Variants in VPS13D observed in about 807,000 individuals in gnomAD.
VPS13D encodes the protein intermembrane lipid transfer protein VPS13D.
A neutral mutation model predicts 461.9 loss-of-function variants in VPS13D; 187 were observed. The ratio of observed to expected loss-of-function variants is 0.40; its 90% CI spans 0.36 to 0.46. The LOEUF (loss-of-function observed/expected upper bound fraction) is 0.46. Among genes scored for constraint, VPS13D ranks in the 20% least tolerant of loss-of-function variants. VPS13D has a pLI of 0.60. For missense variants in VPS13D, 4,711 were observed against 5,364.9 expected, an observed-to-expected ratio of 0.88 and a Z score of 3.81; for synonymous variants, 1,951 against 1,986.3, an observed-to-expected ratio of 0.98 and a Z score of 0.47.
At chr1:12,487,510 C>G (rs1469478225) in intron 67 of VPS13D, among the ~76,000 whole-genome samples, 2 of 151,784 alleles carry the variant, frequency 1.3e-5, no homozygotes, top group African/African-American at 4.8e-5. Flanking sequence ...ACTTGGGAGG[C>G]TGAGGCAGGA....
At chr1:12,351,718 A>T (rs918962259) in intron 46 of VPS13D, among the ~76,000 whole-genome samples, 7 of 151,462 alleles carry the variant, frequency 4.6e-5, no homozygotes, top group African/African-American at 7.3e-5. Context: ...CAGCCTCCCG[A>T]GTAGCTGGGA....
chr1:12,369,172 G>A (rs567532144), intron 53 of VPS13D, among the ~76,000 whole-genome samples: 1 of 152,136 alleles, frequency 6.6e-6, no homozygotes, highest in African/African-American at 2.4e-5. Context: ...ATTTGACTTG[G>A]CAAAGCGTTT....
chr1:12,509,040 A>G lies in VPS13D; in HGVS notation c.*16A>G. 1.2e-6 allele frequency: 2 copies of G among 1,613,208 alleles called. No homozygotes were observed. Among genetic ancestry groups the G allele is most frequent in the Non-Finnish European group, 8.5e-7 (1 of 1,179,606 alleles). ...GGACTCCTGAAGCCCCGCTGCTGAG[A>G]TGGGCGCTCCCGACACAGCGCAGAC... is the stretch of plus-strand genomic sequence containing the variant. On this transcript the variant is annotated 3_prime_UTR_variant, in exon 70 of 70. Transcript: ENST00000620676.
At chr1:12,235,442 G>A (rs1640116858) in intron 2 of VPS13D, among the ~76,000 whole-genome samples, 2 of 152,148 alleles carry the variant, frequency 1.3e-5, no homozygotes, top group Non-Finnish European at 2.9e-5. Context: ...TGGGTGTGGT[G>A]GCGGGTGCCT....
intron 1 of VPS13D, among the ~76,000 whole-genome samples, chr1:12,231,811 A>C (rs1339449814): frequency 6.6e-6 from 1 of 152,182 alleles, no homozygotes; most frequent in Non-Finnish European, 1.5e-5. Flanking sequence ...AACATGATGA[A>C]ACCCTGTCTC....
intron 52 of VPS13D, among the ~76,000 whole-genome samples, chr1:12,364,110 A>G (rs956859439): frequency 1.3e-5 from 2 of 152,168 alleles, no homozygotes; most frequent in African/African-American, 2.4e-5. Context: ...ACCATTTTTA[A>G]GTATACAGTT....
At chr1:12,236,160 C>T (rs1384377430) in intron 2 of VPS13D, among the ~76,000 whole-genome samples, 1 of 152,144 alleles carries the variant, frequency 6.6e-6, no homozygotes, top group Non-Finnish European at 1.5e-5. Flanking sequence ...AAGAATGCTT[C>T]TCCGCAGGGT....
rs1229967173 is a variant in VPS13D at position 12,234,061 on chromosome 1, AACAC to A, written c.-76-128_-76-125del. 11 of 442,724 alleles carry A rather than the reference AACAC, an allele frequency of 2.5e-5. No homozygotes were observed. The Admixed American group carries it at 3.9e-4, about 16-fold the overall frequency. 27.4% of individuals were successfully genotyped at this position (442,724 alleles called of 1,614,324 possible). On this transcript the variant is annotated intron_variant, in intron 1 of 69. Transcript: ENST00000620676. ...GAAACTGTCTCAAAACAAAAACAAA[AACAC>A]AAACAAACAAAACCCAACAAAACAT... is the stretch of plus-strand genomic sequence containing the variant.
At chr1:12,333,158 C>G in intron 37 of VPS13D, 68 bp from the exon 38 acceptor site, 1 of 1,526,564 alleles carries the variant, frequency 6.6e-7, no homozygotes, top group South Asian at 1.2e-5. Context: ...TGAACATTTG[C>G]GAGCAGTGTT....
intron 67 of VPS13D, among the ~76,000 whole-genome samples, chr1:12,463,074 A>T (rs1006250319): frequency 1.3e-5 from 2 of 152,174 alleles, no homozygotes; most frequent in Non-Finnish European, 2.9e-5. Flanking sequence ...AGGAAAAAAA[A>T]AAACAACAAC....
At chr1:12,441,470 A>G (rs752220633) in intron 65 of VPS13D, among the ~76,000 whole-genome samples, 7 of 152,156 alleles carry the variant, frequency 4.6e-5, no homozygotes, top group South Asian at 2.1e-4. Flanking sequence ...ATATGAACAA[A>G]TGGTCACACA....
intron 36 of VPS13D, among the ~76,000 whole-genome samples, chr1:12,329,171 C>A (rs1643267020): frequency 6.6e-6 from 1 of 152,090 alleles, no homozygotes; most frequent in South Asian, 2.1e-4. Flanking sequence ...TCTAATCAGT[C>A]TGCCCTCTTA....
intron 63 of VPS13D, among the ~76,000 whole-genome samples, chr1:12,414,152 T>A (rs1009121466): frequency 6.6e-6 from 1 of 151,944 alleles, no homozygotes; most frequent in Non-Finnish European, 1.5e-5. Flanking sequence ...GGCATGGTAG[T>A]TTGCACATGT....
At chr1:12,466,839 G>A (rs575581423) in intron 67 of VPS13D, among the ~76,000 whole-genome samples, 23 of 152,344 alleles carry the variant, frequency 1.5e-4, no homozygotes, top group African/African-American at 5.3e-4. Context: ...TTACATTTCA[G>A]TGAAACTGAA....
chr1:12,288,324 G>C lies in VPS13D; in HGVS notation c.5725+11G>C. The C allele has an allele frequency of 1.9e-6, 3 of 1,613,220 alleles. No homozygotes were observed. Among genetic ancestry groups the C allele is most frequent in the Non-Finnish European group, 2.5e-6 (3 of 1,179,194 alleles). ...ACCTGGAAATGATTGGTAAGTGGTG[G>C]GGGGTGGAGGGAAGCAAACTTGCAA... is the stretch of plus-strand genomic sequence containing the variant. On this transcript the variant is annotated intron_variant, in intron 22 of 69. Transcript: ENST00000620676.
intron 1 of VPS13D, among the ~76,000 whole-genome samples, chr1:12,233,763 T>C (rs576782573): frequency 1.3e-5 from 2 of 152,164 alleles, no homozygotes; most frequent in South Asian, 4.2e-4. Context: ...TTAAAACATC[T>C]GCAGCCGGGC....
In VPS13D at chr1:12,368,554, A is replaced by C; in HGVS notation, c.10535A>C (p.Gln3512Pro). The change falls in exon 53 of 70, where the codon CAG (glutamine) becomes CCG (proline). Residue 3512 changes from glutamine (Q) to proline (P), a missense_variant. Coordinates refer to ENST00000620676, the MANE Select transcript of VPS13D (RefSeq NM_015378.4). ...AGGATCTCATTTAGTGACACAGATC[A>C]GTTACCTCCTCCTTTCCGAATTGAC... Reference protein sequence around the residue: ...TYRISFSDTDQLPPPFRIDNF... With the variant: ...TYRISFSDTDPLPPPFRIDNF... 1.2e-6 allele frequency: 2 copies of C among 1,613,736 alleles called. No homozygotes were observed. The highest frequency in any genetic ancestry group is 1.7e-6 in the Non-Finnish European group (2 of 1,179,800).
intron 67 of VPS13D, among the ~76,000 whole-genome samples, chr1:12,475,472 C>A (rs1448757490): frequency 6.6e-6 from 1 of 152,174 alleles, no homozygotes; most frequent in Non-Finnish European, 1.5e-5. Flanking sequence ...AAAGCCCATG[C>A]AGAATATATG....
chr1:12,363,951 CAAAAAAAAAAAAAAAA>C lies in VPS13D; in HGVS notation c.10448+718_10448+733del, dbSNP rs70987247. On this transcript the variant is annotated intron_variant, in intron 52 of 69. Transcript: ENST00000620676. ...CAGGCGACAGAGTAAGACTCTATCT[CAAAAAAAAAAAAAAAA>C]AAAAAAAAAAAAATCAGCCTTAATT... Among the ~76,000 whole-genome samples the C allele has an allele frequency of 2.9e-3, 130 of 44,632 alleles. 1 individual carries two copies. The highest frequency in any genetic ancestry group is 0.012 in the African/African-American group (115 of 9,900). 29.3% of individuals were successfully genotyped at this position (44,632 alleles called of 152,430 possible).
Sources: allele counts gnomAD v4.1 joint callset (sites outside exome capture counted in the v4.1 genomes callset), GRCh38; gene constraint gnomAD v4.1.1; transcripts MANE v1.5; gene names NCBI Gene and HGNC (gene_info 2026-07-23, HGNC 2026-07-21).